The following SLCO2A1 variants were observed in gnomAD, a reference collection of about 807,000 sequenced individuals.
SLCO2A1 encodes the protein matrin F/G 1.
In SLCO2A1, 60 loss-of-function variants were observed where a neutral mutation model predicts 71.7. The ratio of observed to expected loss-of-function variants is 0.84; its 90% CI spans 0.68 to 1.04. The LOEUF is 1.04. Ranked by LOEUF, SLCO2A1 falls within the 50% of genes least tolerant of loss-of-function variation. The pLI is 0.00. For missense variants in SLCO2A1, 745 were observed against 813.4 expected, an observed-to-expected ratio of 0.92 and a Z score of 1.02; for synonymous variants, 308 against 326.7, an observed-to-expected ratio of 0.94 and a Z score of 0.62.
intron 1 of SLCO2A1, among the ~76,000 whole-genome samples, chr3:133,985,760 C>T (rs1265361855): frequency 2.0e-5 from 3 of 152,168 alleles, no homozygotes; most frequent in Non-Finnish European, 4.4e-5. Flanking sequence ...GTCAAATGAA[C>T]AATATGTCTA....
At position 133,966,257 on chromosome 3, in the gene SLCO2A1, C is replaced by T. The variant is rs184215296; in HGVS notation, c.397+7406G>A. On this transcript the variant is annotated intron_variant, in intron 3 of 13. Transcript: ENST00000310926. ...AAAGTTGAATAATTTCAGCACAGAC[C>T]TTATGGTATACAAGTCTGACATATT... Among the ~76,000 whole-genome samples the T allele has an allele frequency of 2.9e-3, 449 of 152,334 alleles. 4 individuals are homozygous for T. The highest frequency in any genetic ancestry group is 0.01 in the African/African-American group (426 of 41,564).
chr3:133,948,206 T>A (rs1933636416), intron 8 of SLCO2A1, among the ~76,000 whole-genome samples: 1 of 152,118 alleles, frequency 6.6e-6, no homozygotes, highest in African/African-American at 2.4e-5. Flanking sequence ...TTGTCTAACC[T>A]CAAATTCAAC....
At chr3:133,956,543 A>T (rs529212378) in intron 3 of SLCO2A1, among the ~76,000 whole-genome samples, 40 of 152,320 alleles carry the variant, frequency 2.6e-4, no homozygotes, top group African/African-American at 9.4e-4. Context: ...TAGACCTTCA[A>T]TAGTTGTGTC....
At chr3:133,980,996 T>C (rs1180902012) in intron 1 of SLCO2A1, among the ~76,000 whole-genome samples, 1 of 152,252 alleles carries the variant, frequency 6.6e-6, no homozygotes, top group Non-Finnish European at 1.5e-5. Flanking sequence ...GAGGCTCCAC[T>C]GGGCTTTCTT....
At chr3:134,013,862 C>T (rs1576459998) in intron 1 of SLCO2A1, among the ~76,000 whole-genome samples, 1 of 152,092 alleles carries the variant, frequency 6.6e-6, no homozygotes, top group African/African-American at 2.4e-5. Flanking sequence ...AAATGTAATA[C>T]TCAGGAGTCA....
chr3:134,003,916 CAGA>C (rs1342102915), intron 1 of SLCO2A1, among the ~76,000 whole-genome samples: 2 of 152,256 alleles, frequency 1.3e-5, no homozygotes, highest in African/African-American at 2.4e-5. Flanking sequence ...GAGAGACAGA[CAGA>C]AGGAGAGAGA....
At chr3:133,935,254 G>T (rs1226751546) in intron 13 of SLCO2A1, among the ~76,000 whole-genome samples, 1 of 152,180 alleles carries the variant, frequency 6.6e-6, no homozygotes, top group Admixed American at 6.5e-5. Flanking sequence ...CCACCTTCCT[G>T]TGGTTTCTGG....
chr3:133,978,045 G>A (rs1248582135), intron 2 of SLCO2A1, among the ~76,000 whole-genome samples: 1 of 152,184 alleles, frequency 6.6e-6, no homozygotes, highest in East Asian at 1.9e-4. Flanking sequence ...GGCCAGCAGG[G>A]ATGACTTAGA....
At chr3:133,944,783 TG>T (rs1378678020) in intron 10 of SLCO2A1, among the ~76,000 whole-genome samples, 1 of 152,188 alleles carries the variant, frequency 6.6e-6, no homozygotes, top group Non-Finnish European at 1.5e-5. Flanking sequence ...TCTCTCAGGA[TG>T]GGGCTCAAAG....
chr3:133,949,056 A>C, intron 6 of SLCO2A1, 85 bp from the exon 7 acceptor site: 1 of 1,216,654 alleles, frequency 8.2e-7, no homozygotes, highest in South Asian at 1.2e-5. Context: ...CTGGCCTCAG[A>C]AGCTCAGGGC....
In SLCO2A1 at chr3:133,977,110, A is replaced by G. The variant is rs114181796; in HGVS notation, c.234+2371T>C. Among the ~76,000 whole-genome samples the G allele has an allele frequency of 3.8e-3, 580 of 152,202 alleles. 8 individuals are homozygous for G. The highest frequency in any genetic ancestry group is 0.014 in the African/African-American group (561 of 41,546). On this transcript the variant is annotated intron_variant, in intron 2 of 13. Coordinates refer to ENST00000310926, the MANE Select transcript of SLCO2A1 (RefSeq NM_005630.3). ...CATCCCCCCTAGCCTTCAGGCATAT[A>G]CTGTACACAGACAGACACATACAGA...
Position 133,962,329 on chromosome 3 carries a change from C to T in SLCO2A1, c.398-7136G>A, listed in dbSNP as rs1304331855. On this transcript the variant is annotated intron_variant, in intron 3 of 13. Coordinates refer to ENST00000310926, the MANE Select transcript of SLCO2A1 (RefSeq NM_005630.3). ...TCCTGACCTCAGACGATCCACCCTC[C>T]TCGGCCTCCCAAAGTGCTGGGATTA... Among the ~76,000 whole-genome samples the T allele has an allele frequency of 2.6e-5, 4 of 152,176 alleles. No individual in the cohort carries two copies. In the South Asian group the frequency reaches 8.3e-4, roughly 32 times the overall value.
In SLCO2A1 at chr3:133,986,272, G is replaced by GTTTTTT. The variant is rs567273611; in HGVS notation, c.97-6660_97-6655dup. On this transcript the variant is annotated intron_variant, in intron 1 of 13. Coordinates refer to ENST00000310926, the MANE Select transcript of SLCO2A1 (RefSeq NM_005630.3). ...AACAGTTTTTTGTTTTTTGTTTTTT[G>GTTTTTT]TTTTTTCAATCATGAGCGTTGGCAA... Among the ~76,000 whole-genome samples, 679 of 151,810 alleles carry GTTTTTT rather than the reference G, an allele frequency of 4.5e-3. 6 individuals carry two copies. Among genetic ancestry groups the GTTTTTT allele is most frequent in the South Asian group, 0.017 (81 of 4,822 alleles).
At chr3:133,942,259 G>C (rs911295138) in intron 11 of SLCO2A1, 2 of 173,670 alleles carry the variant, frequency 1.2e-5, no homozygotes, top group Non-Finnish European at 2.4e-5. Context: ...CTCCCAAAGT[G>C]CTGGGGTCAC....
intron 1 of SLCO2A1, among the ~76,000 whole-genome samples, chr3:134,010,480 G>A (rs1399080738): frequency 1.5e-4 from 23 of 152,048 alleles, no homozygotes; most frequent in African/African-American, 4.6e-4. Context: ...TCGGCCGGGC[G>A]CGGTGGCTCA....
rs555934769 is a variant in SLCO2A1 at position 133,954,980 on chromosome 3, G to A, written c.611C>T (p.Ser204Leu). ...YVDDFSEPSN[S>L]PLYISILFAI... ...CGGTGACTCACAGATGTACAGGGGC[G>A]AGTTGCTGGGCTCTGAGAAGTCATC... The change falls in exon 4 of 14, where the codon TCG becomes TTG. Residue 204 changes from serine to leucine, a missense_variant. Coordinates refer to ENST00000310926, the MANE Select transcript of SLCO2A1 (RefSeq NM_005630.3). 5.1e-5 allele frequency: 82 copies of A among 1,613,946 alleles called. No individual in the cohort carries two copies. The highest frequency in any genetic ancestry group is 8.9e-5 in the East Asian group (4 of 44,880).
At chr3:134,019,016 C>T (rs1187789502) in intron 1 of SLCO2A1, among the ~76,000 whole-genome samples, 1 of 152,178 alleles carries the variant, frequency 6.6e-6, no homozygotes, top group Non-Finnish European at 1.5e-5. Flanking sequence ...GGAGCATCCA[C>T]CTGAAGCCAC....
chr3:133,947,167 G>T, intron 9 of SLCO2A1, 89 bp downstream of exon 9: 4 of 1,141,264 alleles, frequency 3.5e-6, no homozygotes, highest in Non-Finnish European at 5.0e-6. Flanking sequence ...AAAGAATAGA[G>T]TTAAGGAAGC....
At chr3:133,985,383 T>C (rs1934691142) in intron 1 of SLCO2A1, among the ~76,000 whole-genome samples, 1 of 152,234 alleles carries the variant, frequency 6.6e-6, no homozygotes, top group Non-Finnish European at 1.5e-5. Flanking sequence ...TACTTTATAA[T>C]AGATGCTAGC....
Sources: allele counts gnomAD v4.1 joint callset (sites outside exome capture counted in the v4.1 genomes callset), GRCh38; gene constraint gnomAD v4.1.1; transcripts MANE v1.5; gene names NCBI Gene and HGNC (gene_info 2026-07-23, HGNC 2026-07-21).